The following EPN1 variants were observed in gnomAD, a reference collection of about 807,000 sequenced individuals.
The protein encoded by EPN1 is epsin-1.
In EPN1, 25 loss-of-function variants were observed where a neutral mutation model predicts 56.9. The ratio of observed to expected loss-of-function variants is 0.44; its 90% confidence interval spans 0.32 to 0.61. EPN1 has a LOEUF of 0.61. Among genes scored for constraint, EPN1 ranks in the 20% least tolerant of loss-of-function variants. EPN1 has a pLI of 0.05. For synonymous variants in EPN1, 411 were observed against 361.8 expected (o/e 1.14, Z -1.54); for missense variants, 785 against 823.7 (o/e 0.95, Z 0.58).
intron 3 of EPN1, among the ~76,000 whole-genome samples, chr19:55,687,555 C>CA (rs1376504566): frequency 2.0e-5 from 3 of 151,430 alleles, no homozygotes; most frequent in Non-Finnish European, 4.4e-5. Flanking sequence ...TCCCAGCACT[C>CA]ACCTCTGAGA....
chr19:55,692,513 G>A (rs1986625842), intron 7 of EPN1, 173 bp from the exon 8 acceptor site: 1 of 499,800 alleles, frequency 2.0e-6, no homozygotes, highest in Non-Finnish European at 3.5e-6. Context: ...GCAGAGCCTG[G>A]CAGAGAAGCC....
At chr19:55,677,910 C>G (rs534413230) in intron 1 of EPN1, among the ~76,000 whole-genome samples, 1 of 152,348 alleles carries the variant, frequency 6.6e-6, no homozygotes, top group Admixed American at 6.5e-5. Flanking sequence ...GGGCCAGCTT[C>G]TTTGCTGGGA....
At chr19:55,690,483 T>C (rs1199609291) in intron 6 of EPN1, among the ~76,000 whole-genome samples, 2 of 152,234 alleles carry the variant, frequency 1.3e-5, no homozygotes, top group African/African-American at 4.8e-5. Context: ...CTTCAGTACT[T>C]CCCTGTGACG....
rs1323034565 is a variant in EPN1, at chr19:55,706,280, C to CTTTTTTTTTTTTTTTTT, written c.*10926_*10927insTTTTTTTTTTTTTTTTT. 7 of 129,296 alleles carry CTTTTTTTTTTTTTTTTT rather than the reference C, an allele frequency of 5.4e-5. No individual in the cohort carries two copies. Among genetic ancestry groups the CTTTTTTTTTTTTTTTTT allele is most frequent in the African/African-American group, 1.3e-4 (4 of 31,642 alleles). 8.0% of individuals were successfully genotyped at this position (129,296 alleles called of 1,614,324 possible). A position where few individuals can be genotyped will look rare whatever the true frequency, so the allele number is the denominator to read the frequency against. On this transcript the variant is annotated 3_prime_UTR_variant, in exon 11 of 11. Transcript: ENST00000270460. ...TTTCTTCCTTTCTTCTCTTTTTCTT[C>CTTTTTTTTTTTTTTTTT]TTCTTTTTTTTTTTTTTTTAAAAGA...
At chr19:55,688,034 AACTT>A (rs1358797809) in intron 3 of EPN1, among the ~76,000 whole-genome samples, 1 of 152,148 alleles carries the variant, frequency 6.6e-6, no homozygotes, top group Non-Finnish European at 1.5e-5. Flanking sequence ...GAGCAGACAG[AACTT>A]GCTGACCAGT....
At chr19:55,693,370 C>T (rs1184927111) in intron 9 of EPN1, 3 of 248,078 alleles carry the variant, frequency 1.2e-5, no homozygotes, top group East Asian at 1.9e-4. Context: ...ACTGTCTTGT[C>T]CTGTGCAGTG....
At chr19:55,693,238 A>T in intron 9 of EPN1, 1 of 565,032 alleles carries the variant, frequency 1.8e-6, no homozygotes, top group Middle Eastern at 4.6e-4. Context: ...GAAATTGCAG[A>T]CTTAGAGAAA....
In EPN1 at chr19:55,689,103, T is replaced by C; in HGVS notation, c.603+109T>C. 7.1e-7 allele frequency: 1 copy of C among 1,408,174 alleles called. No individual in the cohort carries two copies. The highest frequency in any genetic ancestry group is 1.4e-5 in the African/African-American group (1 of 69,896). The allele number at this position is 1,408,174 out of a possible 1,614,324, so 87.2% of individuals were successfully genotyped here. A position where few individuals can be genotyped will look rare whatever the true frequency, so the allele number is the denominator to read the frequency against. On this transcript the variant is annotated intron_variant, in intron 4 of 10. Coordinates refer to ENST00000270460, the MANE Select transcript of EPN1 (RefSeq NM_001130072.2). The surrounding 1 kb of genome is among the most constrained non-coding windows in gnomAD (Gnocchi z 5.7). ...TGGCCCTCACTGTCGCTGCTCCACATGCTGTCACTCGTCTCCTCCCCAGTC... is the reference window on the plus strand; with the variant it reads ...TGGCCCTCACTGTCGCTGCTCCACACGCTGTCACTCGTCTCCTCCCCAGTC...
intron 7 of EPN1, 183 bp from the exon 8 acceptor site, chr19:55,692,503 G>T: frequency 2.0e-6 from 1 of 490,150 alleles, no homozygotes; most frequent in Admixed American, 3.9e-5. Flanking sequence ...GGTCCCAGGG[G>T]CAGAGCCTGG....
intron 2 of EPN1, among the ~76,000 whole-genome samples, chr19:55,683,350 C>T (rs998125986): frequency 3.9e-5 from 6 of 152,028 alleles, no homozygotes; most frequent in African/African-American, 1.2e-4. Flanking sequence ...CCACCATGCC[C>T]GGCCTTATTT....
At chr19:55,687,414 G>A (rs1469028966) in intron 3 of EPN1, among the ~76,000 whole-genome samples, 2 of 152,176 alleles carry the variant, frequency 1.3e-5, no homozygotes, top group Admixed American at 6.5e-5. Flanking sequence ...GGGTGTTGCT[G>A]GCTGGGTGCC....
In EPN1 at chr19:55,695,648, C is replaced by A; in HGVS notation, c.*292C>A. On this transcript the variant is annotated 3_prime_UTR_variant, in exon 11 of 11. Transcript: ENST00000270460. The surrounding 1 kb of genome is among the most constrained non-coding windows in gnomAD (Gnocchi z 4.4). Reference sequence around the variant, plus strand: ...TTCCCCCTCCCTCCAAACTCCCAACCCCCAGTCAGTGTTTGAGCCTCCTCG... The same window carrying A: ...TTCCCCCTCCCTCCAAACTCCCAACACCCAGTCAGTGTTTGAGCCTCCTCG... 1 of 451,638 alleles carries A rather than the reference C, an allele frequency of 2.2e-6. No homozygotes were observed. Among genetic ancestry groups the A allele is most frequent in the South Asian group, 3.7e-5 (1 of 26,842 alleles). 28.0% of individuals were successfully genotyped at this position (451,638 alleles called of 1,614,324 possible). A position where few individuals can be genotyped will look rare whatever the true frequency, so the allele number is the denominator to read the frequency against.
intron 2 of EPN1, among the ~76,000 whole-genome samples, chr19:55,681,150 G>C (rs1985792398): frequency 6.6e-6 from 1 of 152,208 alleles, no homozygotes; most frequent in Admixed American, 6.5e-5. Context: ...AGGGTGAGCT[G>C]TGGGGGCCTT....
rs532420793 is a variant in EPN1 at position 55,691,721 on chromosome 19, C to T, written c.763-33C>T. On this transcript the variant is annotated intron_variant, in intron 6 of 10. Coordinates refer to ENST00000270460, the MANE Select transcript of EPN1 (RefSeq NM_001130072.2). The surrounding 1 kb of genome is among the most constrained non-coding windows in gnomAD (Gnocchi z 5.6). ...CCCTGTCCCAGGCTTCCCACCACTT[C>T]TTCATGCTCCTTCTCTTCTCTCTCC... 105 of 1,594,670 alleles carry T rather than the reference C, an allele frequency of 6.6e-5. No homozygotes were observed. Among genetic ancestry groups the T allele is most frequent in the Non-Finnish European group, 8.5e-5 (99 of 1,169,190 alleles).
Position 55,705,808 on chromosome 19 carries a change from G to GATGGATATATATAT in EPN1, c.*10454_*10455insGGATATATATATAT, listed in dbSNP as rs1987363001. 3 of 103,138 alleles carry GATGGATATATATAT rather than the reference G, an allele frequency of 2.9e-5. No homozygotes were observed. The highest frequency in any genetic ancestry group is 1.4e-4 in the African/African-American group (3 of 21,920). 6.4% of individuals were successfully genotyped at this position (103,138 alleles called of 1,614,324 possible). A position where few individuals can be genotyped will look rare whatever the true frequency, so the allele number is the denominator to read the frequency against. Reference sequence around the variant, plus strand: ...GTGGCTGGAATATTTGTTGTTGTGGGATATATATATATATATATATTTAGA... The same window carrying GATGGATATATATAT: ...GTGGCTGGAATATTTGTTGTTGTGGGATGGATATATATATATATATATATATATATATATTTAGA... On this transcript the variant is annotated 3_prime_UTR_variant, in exon 11 of 11. Coordinates refer to ENST00000270460, the MANE Select transcript of EPN1 (RefSeq NM_001130072.2).
At position 55,705,294 on chromosome 19, in the gene EPN1, A is replaced by G. The variant is rs1164297048; in HGVS notation, c.*9938A>G. The G allele has an allele frequency of 6.6e-6, 1 of 152,198 alleles. No individual in the cohort carries two copies. Among genetic ancestry groups the G allele is most frequent in the African/African-American group, 2.4e-5 (1 of 41,446 alleles). The allele number at this position is 152,198 out of a possible 1,614,324, so 9.4% of individuals were successfully genotyped here. On this transcript the variant is annotated 3_prime_UTR_variant, in exon 11 of 11. Coordinates refer to ENST00000270460, the MANE Select transcript of EPN1 (RefSeq NM_001130072.2). ...CCAGGCAACTTTTTTGCCTACGGAAACACACAAAAACGAAAACAAACCAAT... is the reference window on the plus strand; with the variant it reads ...CCAGGCAACTTTTTTGCCTACGGAAGCACACAAAAACGAAAACAAACCAAT...
At chr19:55,680,438 A>T (rs1456656475) in intron 2 of EPN1, among the ~76,000 whole-genome samples, 1 of 152,076 alleles carries the variant, frequency 6.6e-6, no homozygotes, top group Non-Finnish European at 1.5e-5. Context: ...AGCCTGTAGG[A>T]TCCCCAGCCC....
In EPN1 at chr19:55,689,838, T is replaced by A; in HGVS notation, c.679-29T>A. 6.3e-7 allele frequency: 1 copy of A among 1,577,148 alleles called. No homozygotes were observed. The highest frequency in any genetic ancestry group is 1.3e-5 in the African/African-American group (1 of 74,252). Reference sequence around the variant, plus strand: ...TCTGCCCGTGGCTCACGTTCTCATGTCTCCCTGGTCGTGCCCGTGCCCCAA... The same window carrying A: ...TCTGCCCGTGGCTCACGTTCTCATGACTCCCTGGTCGTGCCCGTGCCCCAA... On this transcript the variant is annotated intron_variant, in intron 5 of 10. Coordinates refer to ENST00000270460, the MANE Select transcript of EPN1 (RefSeq NM_001130072.2). The surrounding 1 kb of genome is among the most constrained non-coding windows in gnomAD (Gnocchi z 5.7).
In EPN1 at chr19:55,705,946, A is replaced by G. The variant is rs146722143; in HGVS notation, c.*10590A>G. The G allele has an allele frequency of 1.8e-3, 278 of 154,852 alleles. 2 individuals carry two copies. The highest frequency in any genetic ancestry group is 6.4e-3 in the African/African-American group (265 of 41,514). The allele number at this position is 154,852 out of a possible 1,614,324, so 9.6% of individuals were successfully genotyped here. Reference sequence around the variant, plus strand: ...GGGATTCTTGATTTTCAGTGAGTATAAAGTGTAAGACAAAATAAGTCTTAG... The same window carrying G: ...GGGATTCTTGATTTTCAGTGAGTATGAAGTGTAAGACAAAATAAGTCTTAG... On this transcript the variant is annotated 3_prime_UTR_variant, in exon 11 of 11. Transcript: ENST00000270460.
Sources: allele counts gnomAD v4.1 joint callset (sites outside exome capture counted in the v4.1 genomes callset), GRCh38; gene constraint gnomAD v4.1.1; non-coding constraint Gnocchi (gnomAD v3.1); transcripts MANE v1.5; gene names NCBI Gene and HGNC (gene_info 2026-07-23, HGNC 2026-07-21).